The following DGKB variants were observed in gnomAD, a reference collection of about 807,000 sequenced individuals.
The protein encoded by DGKB is diacylglycerol kinase beta.
DGKB carries 67 observed loss-of-function variants against 114.3 expected under a neutral mutation model. The ratio of observed to expected loss-of-function variants is 0.59; its 90% confidence interval spans 0.48 to 0.72. The LOEUF is 0.72. Ranked by LOEUF, DGKB falls within the 30% of genes least tolerant of loss-of-function variation. The probability of loss-of-function intolerance (pLI) is 0.00; values close to 1 mark genes in which losing one functional copy is unlikely to be tolerated. For missense variants in DGKB, 907 were observed against 975.2 expected (o/e 0.93, Z 0.93); for synonymous variants, 398 against 323.1 (o/e 1.23, Z -2.49).
intron 1 of DGKB, among the ~76,000 whole-genome samples, chr7:14,940,226 C>G (rs66516313): frequency 0.14 from 21,722 of 152,034 alleles, 1,629 homozygotes; most frequent in Admixed American, 0.2. Context: ...TTGCCAAAGT[C>G]GCTGTGTTCT....
chr7:14,928,839 C>T (rs1784867614), intron 1 of DGKB, among the ~76,000 whole-genome samples: 1 of 151,812 alleles, frequency 6.6e-6, no homozygotes, highest in Non-Finnish European at 1.5e-5. Flanking sequence ...CTCCCTCATC[C>T]ATCTGAGTCT....
intron 2 of DGKB, among the ~76,000 whole-genome samples, chr7:14,822,510 T>C (rs909099037): frequency 3.9e-5 from 6 of 152,080 alleles, no homozygotes; most frequent in Non-Finnish European, 8.8e-5. Flanking sequence ...GCTCAGGTAA[T>C]GAAGTTAAAA....
intron 10 of DGKB, 41 bp downstream of exon 10, chr7:14,685,204 C>G (rs1821472585): frequency 7.5e-7 from 1 of 1,335,292 alleles, no homozygotes; most frequent in Non-Finnish European, 1.1e-6. Flanking sequence ...AACCTTTCCT[C>G]ACTTGAGGAG....
At chr7:14,709,608 C>A (rs924416105) in intron 6 of DGKB, among the ~76,000 whole-genome samples, 21 of 142,452 alleles carry the variant, frequency 1.5e-4, no homozygotes, top group African/African-American at 4.7e-4. Flanking sequence ...AAATGTGGCA[C>A]ATATACACCA....
In DGKB at chr7:14,744,131, C is replaced by A. The variant is rs140791648; in HGVS notation, c.169-7937G>T. 8.2e-3 allele frequency among the ~76,000 whole-genome samples: 1,243 copies of A among 152,236 alleles called. 13 individuals carry two copies. Among genetic ancestry groups the A allele is most frequent in the African/African-American group, 0.028 (1,148 of 41,534 alleles). The stretch of plus-strand genomic sequence containing the variant: ...ACTTTTATTTTGAGCTATTTACAGT[C>A]TTTAATAATTGAGTAAGCTATACTC... On this transcript the variant is annotated intron_variant, in intron 4 of 25. Transcript: ENST00000402815.
chr7:14,970,334 G>C (rs1160127414), intron 1 of DGKB, among the ~76,000 whole-genome samples: 1 of 151,906 alleles, frequency 6.6e-6, no homozygotes, highest in Admixed American at 6.6e-5. Flanking sequence ...TTCCTAAGAG[G>C]GAACTAGACA....
intron 23 of DGKB, among the ~76,000 whole-genome samples, chr7:14,317,346 T>C (rs1806771872): frequency 9.3e-6 from 1 of 107,554 alleles, no homozygotes; most frequent in African/African-American, 3.8e-5. Flanking sequence ...AGTCAAATTG[T>C]CCCCGTTTGC....
intron 20 of DGKB, among the ~76,000 whole-genome samples, chr7:14,492,107 T>C (rs920997827): frequency 2.0e-5 from 3 of 152,114 alleles, no homozygotes; most frequent in Non-Finnish European, 4.4e-5. Context: ...TAATGTAATA[T>C]AAAAATTAAA....
At chr7:14,418,378 T>TACACACACACAC (rs1563143036) in intron 21 of DGKB, among the ~76,000 whole-genome samples, 2,447 of 82,912 alleles carry the variant, frequency 0.03, 93 homozygotes, top group African/African-American at 0.076. Flanking sequence ...TGTGTATATA[T>TACACACACACAC]ATATATATAT....
intron 2 of DGKB, among the ~76,000 whole-genome samples, chr7:14,760,320 C>T (rs1397971070): frequency 1.3e-5 from 2 of 152,054 alleles, no homozygotes; most frequent in African/African-American, 4.8e-5. Context: ...CAACTTTCAA[C>T]TTCATCACAA....
At position 14,371,615 on chromosome 7, in the gene DGKB, G is replaced by GTCTATTTAC. The variant is rs1314518269; in HGVS notation, c.1836-26233_1836-26225dup. Among the ~76,000 whole-genome samples, 5 of 152,000 alleles carry GTCTATTTAC rather than the reference G, an allele frequency of 3.3e-5. No individual in the cohort carries two copies. The East Asian group carries it at 9.7e-4, about 29-fold the overall frequency. ...AATATTTTCTCCCATCCTGTATGTT[G>GTCTATTTAC]TCTATTTACTCCCATCCTGTAGGTT... On this transcript the variant is annotated intron_variant, in intron 21 of 25. Transcript: ENST00000402815.
At chr7:14,408,294 T>C (rs991599080) in intron 21 of DGKB, among the ~76,000 whole-genome samples, 2 of 152,100 alleles carry the variant, frequency 1.3e-5, no homozygotes, top group African/African-American at 4.8e-5. Flanking sequence ...ATAGCCTGGT[T>C]AATTATCATG....
rs1222776325 is a variant in DGKB, at chr7:14,685,349, T to G, written c.725A>C (p.Asp242Ala). ...LLGLENNVKD[D>A]GQHVWRLKHF... ...CTTCAGTCGCCACACGTGCTGTCCA[T>G]CATCCTTCACGTTCTGCATGGGACG... Residue 242 changes from aspartate (D) to alanine (A), a missense_variant, in exon 10 of 26, where the codon GAT (aspartate) becomes GCT (alanine). Physicochemically the swap from Asp to Ala is moderately radical, Grantham distance 126. Transcript: ENST00000402815. 1 of 1,613,302 alleles carries G rather than the reference T, an allele frequency of 6.2e-7. No individual in the cohort carries two copies. The highest frequency in any genetic ancestry group is 1.7e-5 in the Admixed American group (1 of 60,012).
At position 14,755,454 on chromosome 7, in the gene DGKB, C is replaced by T. The variant is rs143215502; in HGVS notation, c.148-1506G>A. ...TACAAGCTATGTTCCTTTTAGAAAA[C>T]GATGAATTAATTATTCATTCCAAAT... On this transcript the variant is annotated intron_variant, in intron 3 of 25. Transcript: ENST00000402815. Among the ~76,000 whole-genome samples, 217 of 152,192 alleles carry T rather than the reference C, an allele frequency of 1.4e-3. 1 individual carries two copies. The East Asian group carries it at 0.034, about 24-fold the overall frequency.
At chr7:14,712,546 C>A (rs1827539576) in intron 6 of DGKB, among the ~76,000 whole-genome samples, 1 of 152,130 alleles carries the variant, frequency 6.6e-6, no homozygotes, top group African/African-American at 2.4e-5. Context: ...TGACACATGC[C>A]TGTAATCCCA....
chr7:14,257,814 C>T (rs1041585907), intron 23 of DGKB, among the ~76,000 whole-genome samples: 1 of 152,154 alleles, frequency 6.6e-6, no homozygotes, highest in South Asian at 2.1e-4. Context: ...GCAACCTCCG[C>T]CTCCCGGGTT....
intron 23 of DGKB, among the ~76,000 whole-genome samples, chr7:14,198,941 T>G (rs994262551): frequency 1.3e-4 from 20 of 152,078 alleles, no homozygotes; most frequent in Admixed American, 1.1e-3. Flanking sequence ...TGGAAGGTAC[T>G]AAACTGAAAT....
chr7:14,177,712 A>G (rs538097757), intron 24 of DGKB, among the ~76,000 whole-genome samples: 1 of 152,220 alleles, frequency 6.6e-6, no homozygotes, highest in African/African-American at 2.4e-5. Context: ...TTTCATAGAT[A>G]ATTTGCCCAG....
At chr7:14,731,035 G>A (rs891590875) in intron 5 of DGKB, among the ~76,000 whole-genome samples, 1 of 152,188 alleles carries the variant, frequency 6.6e-6, no homozygotes, top group Non-Finnish European at 1.5e-5. Flanking sequence ...GACACTGGCA[G>A]AACGTTTGGG....
Sources: allele counts gnomAD v4.1 joint callset (sites outside exome capture counted in the v4.1 genomes callset), GRCh38; gene constraint gnomAD v4.1.1; transcripts MANE v1.5; gene names NCBI Gene and HGNC (gene_info 2026-07-23, HGNC 2026-07-21).